SLCO3A1: variants seen among roughly 807,000 people sequenced by gnomAD.
The protein encoded by SLCO3A1 is solute carrier organic anion transporter family member 3A1.
SLCO3A1 carries 27 observed loss-of-function variants against 63.1 expected under a neutral mutation model. The observed-to-expected ratio is 0.43, with a 90% CI of 0.32 to 0.59. The LOEUF (loss-of-function observed/expected upper bound fraction) is 0.59. Ranked by LOEUF, SLCO3A1 falls within the 20% of genes least tolerant of loss-of-function variation. The pLI, the probability that SLCO3A1 is intolerant of heterozygous loss-of-function variation, is 0.09. For synonymous variants in SLCO3A1, 473 were observed against 409.9 expected (o/e 1.15, Z -1.86); for missense variants, 773 against 945.8 (o/e 0.82, Z 2.40).
At chr15:92,087,139 C>T (rs1278432188) in intron 2 of SLCO3A1, among the ~76,000 whole-genome samples, 1 of 152,044 alleles carries the variant, frequency 6.6e-6, no homozygotes, top group South Asian at 2.1e-4. Context: ...TGAGGTGAGG[C>T]TCATTCCCCC....
At chr15:92,161,866 C>T (rs1340454121) in intron 9 of SLCO3A1, 2 of 148,164 alleles carry the variant, frequency 1.3e-5, no homozygotes, top group South Asian at 2.1e-4. Flanking sequence ...CACAGTATGC[C>T]GGCGCTTTGC....
rs1185318639 is a variant in SLCO3A1, at chr15:91,865,004, G to A, written c.180+10916G>A. Among the ~76,000 whole-genome samples, 7 of 152,146 alleles carry A rather than the reference G, an allele frequency of 4.6e-5. No individual in the cohort carries two copies. The highest frequency in any genetic ancestry group is 2.6e-4 in the Admixed American group (4 of 15,280). ...GGCCACTCCTGAGTGGGACTGTCAC[G>A]GCAGGCATTTGCCATGGGCAGTGTC... On this transcript the variant is annotated intron_variant, in intron 1 of 9. Coordinates refer to ENST00000318445, the MANE Select transcript of SLCO3A1 (RefSeq NM_013272.4). This position sits in a 1 kb window ranked among gnomAD's most constrained non-coding sequence, Gnocchi z 4.6.
intron 1 of SLCO3A1, among the ~76,000 whole-genome samples, chr15:91,858,174 A>C (rs1326839917): frequency 6.6e-6 from 1 of 152,134 alleles, no homozygotes; most frequent in Non-Finnish European, 1.5e-5. Flanking sequence ...TCAACCCAGA[A>C]GCAGACAGCT....
At chr15:92,132,722 C>A (rs1486988184) in intron 7 of SLCO3A1, among the ~76,000 whole-genome samples, 1 of 145,092 alleles carries the variant, frequency 6.9e-6, no homozygotes, top group East Asian at 1.9e-4. Context: ...CTAATTCATC[C>A]CCCCCATTCC....
chr15:91,978,534 G>T (rs1009613060), intron 2 of SLCO3A1, among the ~76,000 whole-genome samples: 1 of 152,162 alleles, frequency 6.6e-6, no homozygotes, highest in Non-Finnish European at 1.5e-5. Context: ...AAGCCTTGGC[G>T]TCTGTTCTGT....
At chr15:92,056,439 A>T (rs986482222) in intron 2 of SLCO3A1, among the ~76,000 whole-genome samples, 1 of 152,186 alleles carries the variant, frequency 6.6e-6, no homozygotes, top group African/African-American at 2.4e-5. Context: ...AACTTCGCTT[A>T]GAAGTCCCTG....
intron 2 of SLCO3A1, among the ~76,000 whole-genome samples, chr15:92,050,608 CT>C (rs542413591): frequency 9.1e-4 from 138 of 152,346 alleles, no homozygotes; most frequent in African/African-American, 3.2e-3. Context: ...CATTACATCT[CT>C]ATCTTCTGTC....
At chr15:91,963,143 T>A (rs1442090777) in intron 2 of SLCO3A1, among the ~76,000 whole-genome samples, 6 of 152,242 alleles carry the variant, frequency 3.9e-5, no homozygotes, top group Middle Eastern at 6.8e-3. Context: ...ACCTGTTTAA[T>A]CCTAAATAGG....
At chr15:92,153,264 A>G (rs2048330389) in intron 9 of SLCO3A1, among the ~76,000 whole-genome samples, 1 of 152,186 alleles carries the variant, frequency 6.6e-6, no homozygotes, top group African/African-American at 2.4e-5. Context: ...AAAATCATGA[A>G]AAAATACTCA....
intron 2 of SLCO3A1, among the ~76,000 whole-genome samples, chr15:91,927,858 C>T (rs1899085967): frequency 6.6e-6 from 1 of 152,222 alleles, no homozygotes; most frequent in Non-Finnish European, 1.5e-5. Context: ...CGTATGGACA[C>T]TGGAACCTTT....
At chr15:92,020,237 A>T (rs909968261) in intron 2 of SLCO3A1, among the ~76,000 whole-genome samples, 5 of 96,680 alleles carry the variant, frequency 5.2e-5, no homozygotes, top group East Asian at 3.9e-4. Context: ...ACACACACAC[A>T]CTATATATAT....
chr15:92,113,413 G>A (rs191911811), intron 4 of SLCO3A1, among the ~76,000 whole-genome samples: 7 of 152,184 alleles, frequency 4.6e-5, no homozygotes, highest in African/African-American at 7.2e-5. Context: ...CCGCCAGCCC[G>A]CACCCAGCTA....
intron 2 of SLCO3A1, among the ~76,000 whole-genome samples, chr15:91,944,210 T>C (rs1567197478): frequency 7.2e-6 from 1 of 138,360 alleles, no homozygotes; most frequent in Non-Finnish European, 1.6e-5. Context: ...CACGTAAGTG[T>C]TCACCATTAT....
At chr15:92,124,560 G>T (rs897104314) in intron 5 of SLCO3A1, among the ~76,000 whole-genome samples, 6 of 152,064 alleles carry the variant, frequency 3.9e-5, no homozygotes, top group Non-Finnish European at 5.9e-5. Context: ...CTCCGTGCTG[G>T]GTACCATGCT....
intron 2 of SLCO3A1, among the ~76,000 whole-genome samples, chr15:92,014,069 C>T (rs2046398458): frequency 6.6e-6 from 1 of 152,164 alleles, no homozygotes; most frequent in South Asian, 2.1e-4. Context: ...ATGCTAAGGC[C>T]TCTTTATCTC....
At chr15:92,062,186 A>G (rs1156840873) in intron 2 of SLCO3A1, among the ~76,000 whole-genome samples, 1 of 152,176 alleles carries the variant, frequency 6.6e-6, no homozygotes, top group Non-Finnish European at 1.5e-5. Flanking sequence ...AAACACACAC[A>G]CACTATTCTG....
At chr15:91,879,811 G>A (rs994543753) in intron 1 of SLCO3A1, among the ~76,000 whole-genome samples, 1 of 152,214 alleles carries the variant, frequency 6.6e-6, no homozygotes, top group African/African-American at 2.4e-5. Context: ...GTTCCAGGCA[G>A]TAGTGGTTCA....
At chr15:92,099,092 A>G (rs551642718) in intron 3 of SLCO3A1, among the ~76,000 whole-genome samples, 62 of 152,320 alleles carry the variant, frequency 4.1e-4, no homozygotes, top group African/African-American at 1.5e-3. Flanking sequence ...GCCTAGCCTC[A>G]CCAGCACATC....
chr15:92,016,936 C>T (rs1204856735), intron 2 of SLCO3A1, among the ~76,000 whole-genome samples: 1 of 152,110 alleles, frequency 6.6e-6, no homozygotes, highest in Admixed American at 6.5e-5. Context: ...AAAATTTTCT[C>T]TGTAGTGTGG....
Sources: allele counts gnomAD v4.1 joint callset (sites outside exome capture counted in the v4.1 genomes callset), GRCh38; gene constraint gnomAD v4.1.1; non-coding constraint Gnocchi (gnomAD v3.1); transcripts MANE v1.5; gene names NCBI Gene and HGNC (gene_info 2026-07-23, HGNC 2026-07-21).